MICAL1: variants seen among roughly 807,000 people sequenced by gnomAD.
The protein encoded by MICAL1 is microtubule associated monooxygenase, calponin and LIM domain containing 1.
In MICAL1, 95 loss-of-function variants were observed where a neutral mutation model predicts 131.8. That is an observed-to-expected ratio of 0.72 (90% CI 0.61 to 0.86). The LOEUF (loss-of-function observed/expected upper bound fraction) is 0.86, where lower values mean the gene tolerates loss of function less well. Among genes scored for constraint, MICAL1 ranks in the 40% least tolerant of loss-of-function variants. The pLI, the probability that MICAL1 is intolerant of heterozygous loss-of-function variation, is 0.00. For missense variants in MICAL1, 1,292 were observed against 1,380.6 expected (o/e 0.94, Z 1.02); for synonymous variants, 546 against 554.2 (o/e 0.99, Z 0.21).
intron 7 of MICAL1, among the ~76,000 whole-genome samples, chr6:109,451,204 A>G (rs1582648598): frequency 6.9e-6 from 1 of 144,120 alleles, no homozygotes; most frequent in Non-Finnish European, 1.5e-5. Flanking sequence ...CCGAGGCTGG[A>G]GTGCAGTGGC....
chr6:109,453,914 C>T, intron 2 of MICAL1, 25 bp downstream of exon 2: 3 of 1,611,474 alleles, frequency 1.9e-6, no homozygotes, highest in Non-Finnish European at 2.5e-6. Context: ...TGCTCCACAC[C>T]CCATCCCAGG....
Position 109,447,982 on chromosome 6 carries a change from C to T in MICAL1, c.1856-19G>A. 1.3e-6 allele frequency: 2 copies of T among 1,590,478 alleles called. No homozygotes were observed. The highest frequency in any genetic ancestry group is 1.7e-6 in the Non-Finnish European group (2 of 1,168,038). On this transcript the variant is annotated intron_variant, in intron 13 of 24. Transcript: ENST00000358807. ...ACAGGGCCTGCGGGGAGAGCCAGGG[C>T]ATCAGTGTGGATGGGGGGTGCCAAT...
At chr6:109,463,814 T>C (rs768648154) in intron 1 of MICAL1, 10 of 152,242 alleles carry the variant, frequency 6.6e-5, no homozygotes, top group Non-Finnish European at 1.3e-4. Context: ...TAAATAAACT[T>C]TTATTAACAT....
At chr6:109,457,504 GA>G, upstream of MICAL1, among the ~76,000 whole-genome samples, 1 of 151,802 alleles carries the variant, frequency 6.6e-6, no homozygotes, top group Admixed American at 6.6e-5. Context: ...TAAAACCGAG[GA>G]ATAAAGAGGA....
intron 4 of MICAL1, 68 bp downstream of exon 4, chr6:109,453,195 C>A: frequency 7.6e-7 from 1 of 1,323,322 alleles, no homozygotes. Context: ...CTGGCCCATC[C>A]TTTTTCAGAC....
At chr6:109,449,286 G>C (rs1775403594) in intron 11 of MICAL1, 114 bp downstream of exon 11, 1 of 1,158,660 alleles carries the variant, frequency 8.6e-7, no homozygotes, top group Non-Finnish European at 1.3e-6. Flanking sequence ...AGCCAACAAT[G>C]AGTGCTCCGG....
upstream of MICAL1, among the ~76,000 whole-genome samples, chr6:109,458,779 C>T (rs1775817941): frequency 6.6e-6 from 1 of 152,124 alleles, no homozygotes; most frequent in Non-Finnish European, 1.5e-5. Context: ...CTGTAGGTGG[C>T]ATGTTTAAGT....
In MICAL1 at chr6:109,447,192, TG is replaced by T; in HGVS notation, c.2107del (p.His703ThrfsTer201). The T allele has an allele frequency of 6.2e-7, 1 of 1,613,920 alleles. No individual in the cohort carries two copies. The highest frequency in any genetic ancestry group is 8.5e-7 in the Non-Finnish European group (1 of 1,179,910). On this transcript the variant is annotated frameshift_variant, in exon 17 of 25. Transcript: ENST00000358807. LOFTEE classifies it high-confidence loss of function. Reference protein sequence around the residue: ...AGDLCALCGEHLYVLERLCVN... With the variant: ...AGDLCALCGEXLYVLERLCVN... ...ACAGAGGCGTTCCAGGACATAGAGG[TG>T]TTCCCCACAAAGTGCACACAGGTCC...
In MICAL1 at chr6:109,446,237, A is replaced by G; in HGVS notation, c.2480T>C (p.Met827Thr). The part of the protein sequence containing the change: ...SSLNLTPDPE[M>T]EPPPKPPRSC... ...GCGGGGAGGCTTGGGTGGAGGCTCC[A>G]TTTCCGGGTCAGGGGTAAGGTTAAG... is the stretch of plus-strand genomic sequence containing the variant. The change falls in exon 19 of 25, where the codon ATG becomes ACG. Residue 827 changes from methionine (M) to threonine (T), a missense_variant. Physicochemically the swap from Met to Thr is moderately conservative, Grantham distance 81 (BLOSUM62 -1). Transcript: ENST00000358807. 4.4e-6 allele frequency: 7 copies of G among 1,607,562 alleles called. No homozygotes were observed.
At chr6:109,463,150 C>T (rs551240388) in intron 1 of MICAL1, 1 of 152,296 alleles carries the variant, frequency 6.6e-6, no homozygotes, top group African/African-American at 2.4e-5. Flanking sequence ...CCACGCCCAG[C>T]TAATTTTTGT....
rs778202898 is a variant in MICAL1, at chr6:109,444,167, C to A, written c.*24G>T. 2 of 1,604,536 alleles carry A rather than the reference C, an allele frequency of 1.2e-6. No homozygotes were observed. The highest frequency in any genetic ancestry group is 1.7e-6 in the Non-Finnish European group (2 of 1,176,926). ...GGGTGAGGTGCTTTCTTTGTGGGAA[C>A]GAAAGCAGACGGCCCACCCTCGTCT... On this transcript the variant is annotated 3_prime_UTR_variant, in exon 25 of 25. Transcript: ENST00000358807.
chr6:109,458,112 A>G (rs558677871), upstream of MICAL1, among the ~76,000 whole-genome samples: 23 of 142,828 alleles, frequency 1.6e-4, no homozygotes, highest in South Asian at 5.4e-3. Flanking sequence ...TCTACTTAGA[A>G]TTTCTTCCAA....
intron 21 of MICAL1, 53 bp from the exon 22 acceptor site, chr6:109,445,343 A>G (rs1775162186): frequency 6.2e-7 from 1 of 1,613,050 alleles, no homozygotes; most frequent in African/African-American, 1.3e-5. Context: ...TCAAGAACAG[A>G]GCACTGGAGG....
chr6:109,449,082 G>C (rs1775388052), intron 11 of MICAL1: 1 of 751,354 alleles, frequency 1.3e-6, no homozygotes, highest in African/African-American at 1.8e-5. Flanking sequence ...TAAAGTAGAG[G>C]AGTGAATAAA....
rs1416130853 is a variant in MICAL1 at position 109,446,857 on chromosome 6, AAAACAAG to A, written c.2228-92_2228-86del. On this transcript the variant is annotated intron_variant, in intron 17 of 24. Coordinates refer to ENST00000358807, the MANE Select transcript of MICAL1 (RefSeq NM_022765.4). Reference sequence around the variant, plus strand: ...CAACAGTTTATGAAGGAAGGTGGGGAAAACAAGACAGATTTGCAGGTGAATTTCTGCC... The same window carrying A: ...CAACAGTTTATGAAGGAAGGTGGGGAACAGATTTGCAGGTGAATTTCTGCC... 23 of 1,381,018 alleles carry A rather than the reference AAAACAAG, an allele frequency of 1.7e-5. No homozygotes were observed. In the African/African-American group the frequency reaches 2.0e-4, roughly 12 times the overall value. The allele number at this position is 1,381,018 out of a possible 1,614,324, so 85.5% of individuals were successfully genotyped here. A position where few individuals can be genotyped will look rare whatever the true frequency, so the allele number is the denominator to read the frequency against.
chr6:109,449,313 T>A (rs768014427), intron 11 of MICAL1, 87 bp downstream of exon 11: 14 of 1,409,158 alleles, frequency 9.9e-6, no homozygotes, highest in Non-Finnish European at 1.4e-5. Context: ...GCTCCTGTCC[T>A]GAGGCTGCAG....
chr6:109,445,951 G>C (rs1217834083), intron 19 of MICAL1, 89 bp from the exon 20 acceptor site: 2 of 1,533,222 alleles, frequency 1.3e-6, no homozygotes, highest in South Asian at 1.2e-5. Context: ...GGCCCTGCAA[G>C]TCTGGTAAAG....
Position 109,447,729 on chromosome 6 carries a change from T to G in MICAL1, c.1945-7A>C. On this transcript the variant is annotated splice_polypyrimidine_tract_variant and splice_region_variant and intron_variant, in intron 14 of 24. Transcript: ENST00000358807. ...CAGCATCCTCTGCATTTTCCTGCAA[T>G]AAGTCCTAACAGCTCTAAGTGTGAT... The G allele has an allele frequency of 1.2e-6, 2 of 1,614,056 alleles. No homozygotes were observed. Among genetic ancestry groups the G allele is most frequent in the South Asian group, 2.2e-5 (2 of 91,082 alleles).
At chr6:109,445,658 G>A (rs1040175957) in intron 20 of MICAL1, 113 bp downstream of exon 20, 26 of 1,494,416 alleles carry the variant, frequency 1.7e-5, no homozygotes, top group Admixed American at 3.8e-5. Context: ...AGAGGCCAGA[G>A]ATATGACAGG....
Sources: allele counts gnomAD v4.1 joint callset (sites outside exome capture counted in the v4.1 genomes callset), GRCh38; gene constraint gnomAD v4.1.1; transcripts MANE v1.5; gene names NCBI Gene and HGNC (gene_info 2026-07-23, HGNC 2026-07-21).